The following PIK3CA variants were observed in gnomAD, a reference collection of about 807,000 sequenced individuals.
PIK3CA encodes phosphatidylinositol 4,5-bisphosphate 3-kinase catalytic subunit alpha isoform.
Under a neutral mutation model 138.2 loss-of-function variants are expected in PIK3CA, and 27 were observed. That is an observed-to-expected ratio of 0.20 (90% CI 0.14 to 0.27). PIK3CA has a LOEUF of 0.27. PIK3CA is among the 10% of genes least tolerant of loss of function. PIK3CA has a pLI of 1.00. For missense variants in PIK3CA, 544 were observed against 1,277.4 expected (o/e 0.43, Z 8.75); for synonymous variants, 358 against 413.2 (o/e 0.87, Z 1.62).
intron 20 of PIK3CA, among the ~76,000 whole-genome samples, chr3:179,231,210 G>C (rs531166889): frequency 6.6e-6 from 1 of 152,074 alleles, no homozygotes; most frequent in Non-Finnish European, 1.5e-5. Context: ...TTGGTCAGTG[G>C]GTACTTAACG....
intron 1 of PIK3CA, among the ~76,000 whole-genome samples, chr3:179,185,732 A>G (rs78995153): frequency 0.025 from 3,768 of 152,218 alleles, 169 homozygotes; most frequent in African/African-American, 0.086. Flanking sequence ...AGGGAAATAC[A>G]TTTCTCGGTT....
chr3:179,154,959 T>A (rs964906953), intron 1 of PIK3CA, among the ~76,000 whole-genome samples: 33 of 152,308 alleles, frequency 2.2e-4, no homozygotes, highest in Non-Finnish European at 4.0e-4. Context: ...TAGGGATTTT[T>A]AAAAATCTAT....
chr3:179,187,246 G>A (rs1050425943), intron 1 of PIK3CA, among the ~76,000 whole-genome samples: 9 of 151,922 alleles, frequency 5.9e-5, no homozygotes, highest in African/African-American at 2.2e-4. Flanking sequence ...CAGTAGATAA[G>A]AGAAAGGGAG....
rs1725212187 is a variant in PIK3CA, at chr3:179,231,582, CA to C, written c.2936+1207del. 2.8e-5 allele frequency among the ~76,000 whole-genome samples: 4 copies of C among 141,006 alleles called. No individual in the cohort carries two copies. In the South Asian group the frequency reaches 9.1e-4, roughly 32 times the overall value. 92.5% of individuals were successfully genotyped at this position (141,006 alleles called of 152,430 possible). A position where few individuals can be genotyped will look rare whatever the true frequency, so the allele number is the denominator to read the frequency against. On this transcript the variant is annotated intron_variant, in intron 20 of 20. Transcript: ENST00000263967. ...TGAGCATTTTTTCATGTTTGTTGAC[CA>C]TTTATATATCTTCTTTTGAGAATTG...
At position 179,219,445 on chromosome 3, in the gene PIK3CA, G is replaced by A. The variant is rs979754879; in HGVS notation, c.1747-126G>A. ...TCCATAGATAAAACTAATTAGAACT[G>A]TAAATTCTAAGGAGATTATTTATCT... is the stretch of plus-strand genomic sequence containing the variant. On this transcript the variant is annotated intron_variant, in intron 11 of 20. Coordinates refer to ENST00000263967, the MANE Select transcript of PIK3CA (RefSeq NM_006218.4). The surrounding 1 kb of genome is among the most constrained non-coding windows in gnomAD (Gnocchi z 4.2). 4 of 686,930 alleles carry A rather than the reference G, an allele frequency of 5.8e-6. No homozygotes were observed. Among genetic ancestry groups the A allele is most frequent in the African/African-American group, 1.8e-5 (1 of 55,094 alleles). The allele number at this position is 686,930 out of a possible 1,614,324, so 42.6% of individuals were successfully genotyped here.
intron 1 of PIK3CA, among the ~76,000 whole-genome samples, chr3:179,180,762 CATT>C (rs1723820876): frequency 6.6e-6 from 1 of 152,078 alleles, no homozygotes; most frequent in African/African-American, 2.4e-5. Context: ...CAACAGAGAT[CATT>C]TCAACATTCT....
intron 9 of PIK3CA, among the ~76,000 whole-genome samples, chr3:179,211,998 A>G (rs113304114): frequency 1.3e-5 from 2 of 152,042 alleles, no homozygotes; most frequent in African/African-American, 4.8e-5. Context: ...AACAGACAAC[A>G]TAAACTTTGT....
At chr3:179,178,075 C>G (rs1212796111) in intron 1 of PIK3CA, among the ~76,000 whole-genome samples, 1 of 63,762 alleles carries the variant, frequency 1.6e-5, no homozygotes, top group Non-Finnish European at 3.2e-5. Flanking sequence ...AAGATTCTGT[C>G]TTTACAAAAA....
chr3:179,162,767 G>C (rs1293672781), intron 1 of PIK3CA, among the ~76,000 whole-genome samples: 1 of 151,978 alleles, frequency 6.6e-6, no homozygotes, highest in Non-Finnish European at 1.5e-5. Flanking sequence ...AGGTTACAGG[G>C]AAAGGAATAT....
At chr3:179,199,995 G>T in intron 3 of PIK3CA, 96 bp downstream of exon 3, 1 of 704,464 alleles carries the variant, frequency 1.4e-6, no homozygotes, top group Non-Finnish European at 2.3e-6. Context: ...TTTCCAGCTA[G>T]ATAGTAAGCT....
chr3:179,152,492 C>G (rs1333112088), intron 1 of PIK3CA, among the ~76,000 whole-genome samples: 1 of 152,134 alleles, frequency 6.6e-6, no homozygotes. Flanking sequence ...GGTTCAAAAC[C>G]TAGTTCTTAA....
Position 179,155,493 on chromosome 3 carries a change from A to C in PIK3CA, c.-77+6890A>C, listed in dbSNP as rs372664219. ...TTACCATGGATTGAAAATATTAGGA[A>C]AAAAAAGGATAGTTATTTCTGTACT... On this transcript the variant is annotated intron_variant, in intron 1 of 20. Coordinates refer to ENST00000263967, the MANE Select transcript of PIK3CA (RefSeq NM_006218.4). Among the ~76,000 whole-genome samples, 7 of 152,160 alleles carry C rather than the reference A, an allele frequency of 4.6e-5. No individual in the cohort carries two copies. The East Asian group carries it at 1.4e-3, about 29-fold the overall frequency.
chr3:179,175,102 C>T (rs79502928), intron 1 of PIK3CA, among the ~76,000 whole-genome samples: 3,870 of 152,298 alleles, frequency 0.025, 67 homozygotes, highest in South Asian at 0.047. Context: ...TGTGTTGAAG[C>T]ATTGATTCCT....
At chr3:179,223,517 CT>C (rs1725014258) in intron 14 of PIK3CA, among the ~76,000 whole-genome samples, 1 of 152,180 alleles carries the variant, frequency 6.6e-6, no homozygotes. Flanking sequence ...CACTAGACCA[CT>C]TTCACCCAGC....
In PIK3CA at chr3:179,235,537, T is replaced by C. The variant is rs541791597; in HGVS notation, c.*1173T>C. The stretch of plus-strand genomic sequence containing the variant: ...TCATCTTCTTTCCTTTTATTTCTTA[T>C]GTGAATCTCCCGTCTTCCATTCTCT... On this transcript the variant is annotated 3_prime_UTR_variant, in exon 21 of 21. Coordinates refer to ENST00000263967, the MANE Select transcript of PIK3CA (RefSeq NM_006218.4). The C allele has an allele frequency of 1.0e-5, 2 of 197,506 alleles. No individual in the cohort carries two copies. The highest frequency in any genetic ancestry group is 4.6e-5 in the African/African-American group (2 of 43,492). 12.2% of individuals were successfully genotyped at this position (197,506 alleles called of 1,614,324 possible).
At chr3:179,183,516 A>G (rs1324445822) in intron 1 of PIK3CA, among the ~76,000 whole-genome samples, 2 of 152,208 alleles carry the variant, frequency 1.3e-5, no homozygotes, top group Non-Finnish European at 2.9e-5. Flanking sequence ...GTTTTGACCA[A>G]TAAATTTGGC....
chr3:179,209,139 C>T (rs1482290379), intron 6 of PIK3CA, among the ~76,000 whole-genome samples: 3 of 151,322 alleles, frequency 2.0e-5, no homozygotes, highest in Admixed American at 6.6e-5. Flanking sequence ...AAAGTAAATA[C>T]CCATGTCTTC....
At chr3:179,233,948 T>C in intron 20 of PIK3CA, 146 bp from the exon 21 acceptor site, 1 of 587,014 alleles carries the variant, frequency 1.7e-6, no homozygotes, top group Non-Finnish European at 3.0e-6. Context: ...AATCAAAAGA[T>C]GTTGGTAAGA....
At chr3:179,198,701 C>T in intron 1 of PIK3CA, 49 bp from the exon 2 acceptor site, 2 of 541,900 alleles carry the variant, frequency 3.7e-6, no homozygotes, top group Admixed American at 3.7e-5. Flanking sequence ...TAAATGTATT[C>T]TTCTGTAGTT....
Sources: gnomAD v4.1 joint callset for allele counts (sites outside exome capture counted in the v4.1 genomes callset) on GRCh38, gnomAD v4.1.1 for gene constraint, Gnocchi (gnomAD v3.1) non-coding constraint, MANE v1.5 for transcripts, NCBI Gene and HGNC (gene_info 2026-07-23, HGNC 2026-07-21) for gene names.